The following PTPRU variants were observed in gnomAD, a reference collection of about 807,000 sequenced individuals.
PTPRU encodes the protein receptor-type tyrosine-protein phosphatase U.
Under a neutral mutation model 166.3 loss-of-function variants are expected in PTPRU, and 69 were observed. The observed-to-expected ratio is 0.41, with a 90% CI of 0.34 to 0.51. The LOEUF (loss-of-function observed/expected upper bound fraction) is 0.51. Among genes scored for constraint, PTPRU ranks in the 20% least tolerant of loss-of-function variants. PTPRU has a pLI of 0.09. For synonymous variants in PTPRU, 793 were observed against 814.0 expected (o/e 0.97, Z 0.44); for missense variants, 1,657 against 2,013.7 (o/e 0.82, Z 3.39).
At chr1:29,265,861 C>G (rs181818176) in intron 7 of PTPRU, among the ~76,000 whole-genome samples, 78 of 152,036 alleles carry the variant, frequency 5.1e-4, no homozygotes, top group South Asian at 8.3e-4. Context: ...AGTAGCTTGT[C>G]CTTTCACCCT....
At position 29,325,619 on chromosome 1, in the gene PTPRU, C is replaced by T. The variant is rs1557495743; in HGVS notation, c.4269C>T (p.Tyr1423=). 5.6e-6 allele frequency: 9 copies of T among 1,612,940 alleles called. No homozygotes were observed. Among genetic ancestry groups the T allele is most frequent in the East Asian group, 2.2e-5 (1 of 44,876 alleles). The change falls in exon 30 of 30, where the codon TAC becomes TAT. Residue 1423 remains tyrosine (Y), a synonymous_variant. Transcript: ENST00000373779. ...CCCAGGATCAGTACCACTTTTGCTACGATGTGGCCCTGGAGTACTTGGAGG... is the reference window on the plus strand; with the variant it reads ...CCCAGGATCAGTACCACTTTTGCTATGATGTGGCCCTGGAGTACTTGGAGG... The part of the protein sequence containing the change: ...VETMDQYHFC[Y]DVALEYLEGL...
At chr1:29,270,507 C>A (rs1335733347) in intron 7 of PTPRU, among the ~76,000 whole-genome samples, 1 of 152,126 alleles carries the variant, frequency 6.6e-6, no homozygotes, top group African/African-American at 2.4e-5. Flanking sequence ...GGTCTCACTA[C>A]TATGTTGCCC....
rs2151973636 is a variant in PTPRU, at chr1:29,326,044, G to C, written c.*383G>C. The stretch of plus-strand genomic sequence containing the variant: ...AGGGATGAGTGAGGCCCTGCAGAGA[G>C]CATCCCAGGCCAAGGTTCCCACTCA... On this transcript the variant is annotated 3_prime_UTR_variant, in exon 30 of 30. Transcript: ENST00000373779. 2.5e-6 allele frequency: 1 copy of C among 406,080 alleles called. No homozygotes were observed. Among genetic ancestry groups the C allele is most frequent in the East Asian group, 3.6e-5 (1 of 28,106 alleles). 25.2% of individuals were successfully genotyped at this position (406,080 alleles called of 1,614,324 possible).
In PTPRU at chr1:29,299,700, T is replaced by G. The variant is rs552336686; in HGVS notation, c.2477-4155T>G. Among the ~76,000 whole-genome samples the G allele has an allele frequency of 7.9e-5, 12 of 152,250 alleles. No homozygotes were observed. The East Asian group carries it at 2.3e-3, about 29-fold the overall frequency. The stretch of plus-strand genomic sequence containing the variant: ...CTCTTTGATTCTCTGCCACCCTCAT[T>G]TGCTCCTTTCTCTGCCAGGAGAGCT... On this transcript the variant is annotated intron_variant, in intron 15 of 29. Coordinates refer to ENST00000373779, the MANE Select transcript of PTPRU (RefSeq NM_133178.4).
Position 29,320,878 on chromosome 1 carries a change from G to A in PTPRU, c.3828+53G>A, listed in dbSNP as rs1688127719. On this transcript the variant is annotated intron_variant, in intron 26 of 29. Transcript: ENST00000373779. The surrounding 1 kb of genome is among the most constrained non-coding windows in gnomAD (Gnocchi z 5.2). ...GGCCGCCTGCTCCCAGGTCCTCTGT[G>A]TATTCAGGGCCATGGTCCCCAAAGC... 5 of 1,478,296 alleles carry A rather than the reference G, an allele frequency of 3.4e-6. No homozygotes were observed. The highest frequency in any genetic ancestry group is 2.2e-5 in the Admixed American group (1 of 45,024). 91.6% of individuals were successfully genotyped at this position (1,478,296 alleles called of 1,614,324 possible).
intron 5 of PTPRU, 116 bp from the exon 6 acceptor site, chr1:29,259,754 C>G (rs1318176540): frequency 7.5e-7 from 1 of 1,333,346 alleles, no homozygotes; most frequent in Non-Finnish European, 1.0e-6. Flanking sequence ...GAGCGCGGCT[C>G]CAGGAACCTA....
Position 29,282,749 on chromosome 1 carries a change from C to T in PTPRU, c.1942C>T (p.Pro648Ser). 5.0e-6 allele frequency: 8 copies of T among 1,613,990 alleles called. No individual in the cohort carries two copies. The highest frequency in any genetic ancestry group is 3.3e-5 in the South Asian group (3 of 91,074). ...GGAGCCAGGTGGACAGGACTGCTTC[C>T]CAGTGCCATTGACCTTCGAGGCGGC... ...RREPGGQDCFPVPLTFEAALA... is the reference protein window; with the variant it reads ...RREPGGQDCFSVPLTFEAALA... The change falls in exon 12 of 30, where the codon CCA becomes TCA. Residue 648 changes from proline to serine, a missense_variant. Pro to Ser is a moderately conservative substitution (Grantham distance 74). Around this residue, in one of 3 missense-constraint regions of PTPRU, gnomAD observed 1,190 missense variants for 1,477.4 expected, o/e 0.81. Transcript: ENST00000373779.
At chr1:29,259,427 C>G in intron 4 of PTPRU, 22 bp from the exon 5 acceptor site, 1 of 1,607,528 alleles carries the variant, frequency 6.2e-7, no homozygotes, top group Non-Finnish European at 8.5e-7. Flanking sequence ...GCCCAGCTCA[C>G]GATGCAGCTC....
chr1:29,255,904 T>C (rs1464743697), intron 2 of PTPRU, among the ~76,000 whole-genome samples: 1 of 152,230 alleles, frequency 6.6e-6, no homozygotes, highest in East Asian at 1.9e-4. Context: ...TGTGTTCCTA[T>C]TTCAAGATGG....
In PTPRU at chr1:29,292,075, A is replaced by G. The variant is rs761056215; in HGVS notation, c.2476+49A>G. The G allele has an allele frequency of 1.9e-6, 3 of 1,601,796 alleles. No individual in the cohort carries two copies. The East Asian group carries it at 6.7e-5, about 36-fold the overall frequency. ...CTTCTTCATGGCTCTGGGGCTCCCAACCTGAGACAATAGGGTCCCCACATC... is the reference window on the plus strand; with the variant it reads ...CTTCTTCATGGCTCTGGGGCTCCCAGCCTGAGACAATAGGGTCCCCACATC... On this transcript the variant is annotated intron_variant, in intron 15 of 29. Coordinates refer to ENST00000373779, the MANE Select transcript of PTPRU (RefSeq NM_133178.4).
intron 12 of PTPRU, among the ~76,000 whole-genome samples, chr1:29,283,442 C>T (rs923409971): frequency 6.6e-5 from 10 of 151,820 alleles, no homozygotes; most frequent in African/African-American, 2.4e-4. Flanking sequence ...CTATCCAGGT[C>T]CCCAGTCTAG....
In PTPRU at chr1:29,320,881, T is replaced by G. The variant is rs1688128076; in HGVS notation, c.3828+56T>G. On this transcript the variant is annotated intron_variant, in intron 26 of 29. Transcript: ENST00000373779. The surrounding 1 kb of genome is among the most constrained non-coding windows in gnomAD (Gnocchi z 5.2). Reference sequence around the variant, plus strand: ...CGCCTGCTCCCAGGTCCTCTGTGTATTCAGGGCCATGGTCCCCAAAGCCAA... The same window carrying G: ...CGCCTGCTCCCAGGTCCTCTGTGTAGTCAGGGCCATGGTCCCCAAAGCCAA... 6.9e-7 allele frequency: 1 copy of G among 1,458,968 alleles called. No individual in the cohort carries two copies. The highest frequency in any genetic ancestry group is 9.1e-7 in the Non-Finnish European group (1 of 1,095,664). 90.4% of individuals were successfully genotyped at this position (1,458,968 alleles called of 1,614,324 possible).
At chr1:29,304,977 C>A in intron 17 of PTPRU, 128 bp downstream of exon 17, 1 of 760,746 alleles carries the variant, frequency 1.3e-6, no homozygotes, top group Non-Finnish European at 2.1e-6. Flanking sequence ...TTATTGAGGG[C>A]CTACCACACG....
intron 7 of PTPRU, among the ~76,000 whole-genome samples, chr1:29,270,035 C>T (rs530955800): frequency 1.3e-5 from 2 of 152,250 alleles, no homozygotes; most frequent in South Asian, 4.1e-4. Flanking sequence ...GCTTGTAGTT[C>T]TTCCCTTCTC....
chr1:29,293,267 C>T (rs779614796), intron 15 of PTPRU, among the ~76,000 whole-genome samples: 55 of 151,852 alleles, frequency 3.6e-4, no homozygotes, highest in Admixed American at 1.0e-3. Context: ...CGTGAGCCAC[C>T]GCACCTGGCC....
Position 29,280,966 on chromosome 1 carries a change from C to T in PTPRU, c.1868+825C>T, listed in dbSNP as rs1273354643. On this transcript the variant is annotated intron_variant, in intron 11 of 29. Transcript: ENST00000373779. This position sits in a 1 kb window ranked among gnomAD's most constrained non-coding sequence, Gnocchi z 4.2. ...TGAATCACTTGCCCTCAAGGCCACA[C>T]AGCTAGTAAGTGGTGGAGCTGGGAT... 6.6e-6 allele frequency among the ~76,000 whole-genome samples: 1 copy of T among 152,214 alleles called. No individual in the cohort carries two copies. Among genetic ancestry groups the T allele is most frequent in the Non-Finnish European group, 1.5e-5 (1 of 68,040 alleles).
In PTPRU at chr1:29,320,745, G is replaced by A. The variant is rs772329115; in HGVS notation, c.3748G>A (p.Asp1250Asn). ...GCACCCGCTGCAGAGCACCACGCCC[G>A]ACTTCTGGCGGCTGGTCTACGATTA... is the stretch of plus-strand genomic sequence containing the variant. ...TLHPLQSTTP[D>N]FWRLVYDYGC... The change falls in exon 26 of 30, where the codon GAC (aspartate) becomes AAC (asparagine). Residue 1250 changes from aspartate (D) to asparagine (N), a missense_variant. Asp to Asn is a conservative substitution (Grantham distance 23). Coordinates refer to ENST00000373779, the MANE Select transcript of PTPRU (RefSeq NM_133178.4). The surrounding 1 kb of genome is among the most constrained non-coding windows in gnomAD (Gnocchi z 5.2). The A allele has an allele frequency of 5.0e-6, 8 of 1,609,156 alleles. No individual in the cohort carries two copies. Among genetic ancestry groups the A allele is most frequent in the Non-Finnish European group, 6.8e-6 (8 of 1,176,156 alleles).
chr1:29,299,361 T>C (rs1687036495), intron 15 of PTPRU, among the ~76,000 whole-genome samples: 1 of 151,556 alleles, frequency 6.6e-6, no homozygotes, highest in African/African-American at 2.4e-5. Context: ...TCCTTAGGGG[T>C]AGGGGATGGG....
chr1:29,244,254 C>T (rs1433457131), intron 1 of PTPRU, among the ~76,000 whole-genome samples: 1 of 152,018 alleles, frequency 6.6e-6, no homozygotes, highest in Admixed American at 6.6e-5. Flanking sequence ...CAGATGTCCA[C>T]TGTGGTGGGT....
Sources: allele counts gnomAD v4.1 joint callset (sites outside exome capture counted in the v4.1 genomes callset), GRCh38; gene constraint gnomAD v4.1.1; regional missense constraint gnomAD v4.1.1; non-coding constraint Gnocchi (gnomAD v3.1); transcripts MANE v1.5; gene names NCBI Gene and HGNC (gene_info 2026-07-23, HGNC 2026-07-21).